Variants in CASD1 observed in about 807,000 individuals in gnomAD.
The protein encoded by CASD1 is N-acetylneuraminate (7)9-O-acetyltransferase.
A neutral mutation model predicts 100.0 loss-of-function variants in CASD1; 41 were observed. That is an observed-to-expected ratio of 0.41 (90% CI 0.32 to 0.53). The LOEUF (loss-of-function observed/expected upper bound fraction) is 0.53. Among genes scored for constraint, CASD1 ranks in the 20% least tolerant of loss-of-function variants. The probability of loss-of-function intolerance (pLI) is 0.25; values close to 1 mark genes in which losing one functional copy is unlikely to be tolerated. For synonymous variants in CASD1, 321 were observed against 315.6 expected, an observed-to-expected ratio of 1.02 and a Z score of -0.18; for missense variants, 774 against 948.7, an observed-to-expected ratio of 0.82 and a Z score of 2.42.
chr7:94,519,554 T>C (rs1426517755), intron 3 of CASD1, among the ~76,000 whole-genome samples: 1 of 152,242 alleles, frequency 6.6e-6, no homozygotes, highest in African/African-American at 2.4e-5. Flanking sequence ...TTATTTGCTA[T>C]CTGTATTTTC....
chr7:94,558,295 A>G (rs372648280), downstream of CASD1, among the ~76,000 whole-genome samples: 72 of 152,328 alleles, frequency 4.7e-4, 3 homozygotes, highest in South Asian at 8.9e-3. Flanking sequence ...GGATATAGTC[A>G]TTGATATCAT....
chr7:94,511,260 G>A (rs1429088473), intron 1 of CASD1, among the ~76,000 whole-genome samples: 1 of 152,150 alleles, frequency 6.6e-6, no homozygotes, highest in African/African-American at 2.4e-5. Context: ...GTAATGGACA[G>A]GTGCAAATTA....
chr7:94,543,555 T>TA (rs1795524482), intron 10 of CASD1, among the ~76,000 whole-genome samples: 1 of 151,726 alleles, frequency 6.6e-6, no homozygotes, highest in East Asian at 1.9e-4. Flanking sequence ...CTTGGGAGGC[T>TA]AAGGCAGGAG....
chr7:94,581,736 T>A, the CASD1 span, among the ~76,000 whole-genome samples: 1 of 152,248 alleles, frequency 6.6e-6, no homozygotes, highest in African/African-American at 2.4e-5. Flanking sequence ...TAGTAGTCCA[T>A]GGTGTATATG....
At chr7:94,628,138 A>G in the CASD1 span, 1 of 587,676 alleles carries the variant, frequency 1.7e-6, no homozygotes, top group African/African-American at 4.2e-5. Context: ...AAATTACAAT[A>G]CACACACACA....
At chr7:94,574,362 C>T in the CASD1 span, among the ~76,000 whole-genome samples, 3 of 151,844 alleles carry the variant, frequency 2.0e-5, no homozygotes, top group African/African-American at 4.8e-5. Flanking sequence ...AGGTCCAGGG[C>T]TTTTTTTGGT....
chr7:94,528,148 T>G, intron 4 of CASD1, 40 bp from the exon 5 acceptor site: 8 of 1,358,012 alleles, frequency 5.9e-6, no homozygotes, highest in Non-Finnish European at 8.3e-6. Flanking sequence ...AATTAAGAGT[T>G]TCTTCAACTT....
At chr7:94,572,967 C>T in the CASD1 span, among the ~76,000 whole-genome samples, 1 of 152,302 alleles carries the variant, frequency 6.6e-6, no homozygotes, top group Admixed American at 6.5e-5. Context: ...GTTATCCTAG[C>T]ACCATTTATT....
chr7:94,528,461 A>C (rs1794687645), intron 5 of CASD1, among the ~76,000 whole-genome samples: 1 of 152,074 alleles, frequency 6.6e-6, no homozygotes. Context: ...CACCATTCTA[A>C]CCATAAAGCA....
At position 94,555,975 on chromosome 7, in the gene CASD1, A is replaced by G; in HGVS notation, c.*217A>G. On this transcript the variant is annotated 3_prime_UTR_variant, in exon 18 of 18. Transcript: ENST00000297273. Reference sequence around the variant, plus strand: ...AAAACAAACAAACAAACAAAAAACCAGAATGCATTGTATAGGATTGCATGT... The same window carrying G: ...AAAACAAACAAACAAACAAAAAACCGGAATGCATTGTATAGGATTGCATGT... 2.0e-6 allele frequency: 1 copy of G among 506,380 alleles called. No individual in the cohort carries two copies. The highest frequency in any genetic ancestry group is 3.5e-6 in the Non-Finnish European group (1 of 289,630). 31.4% of individuals were successfully genotyped at this position (506,380 alleles called of 1,614,324 possible).
At chr7:94,578,603 C>G in the CASD1 span, among the ~76,000 whole-genome samples, 5 of 152,298 alleles carry the variant, frequency 3.3e-5, no homozygotes, top group Middle Eastern at 3.4e-3. Flanking sequence ...CTCACAGGTC[C>G]TACTGAGTCA....
At chr7:94,532,701 T>G (rs1322732872) in intron 5 of CASD1, among the ~76,000 whole-genome samples, 1 of 152,224 alleles carries the variant, frequency 6.6e-6, no homozygotes, top group Non-Finnish European at 1.5e-5. Flanking sequence ...GGATCTCTAC[T>G]TATATTTTTC....
intron 13 of CASD1, among the ~76,000 whole-genome samples, chr7:94,547,399 A>T (rs1795731039): frequency 2.0e-5 from 3 of 151,894 alleles, no homozygotes; most frequent in African/African-American, 7.2e-5. Context: ...TTCCTCTGGC[A>T]GTTGTTCAAG....
rs1473195847 is a variant in CASD1, at chr7:94,535,369, A to T, written c.689A>T (p.Asp230Val). 7 of 1,613,564 alleles carry T rather than the reference A, an allele frequency of 4.3e-6. No homozygotes were observed. Among genetic ancestry groups the T allele is most frequent in the East Asian group, 2.2e-5 (1 of 44,754 alleles). The change falls in exon 8 of 18, where the codon GAT (aspartate) becomes GTT (valine). Residue 230 changes from aspartate (D) to valine (V), a missense_variant. Asp to Val is a radical substitution (Grantham distance 152, BLOSUM62 -3). This residue lies in a region of CASD1 where 453 missense variants were observed against 532.6 expected (regional missense o/e 0.85). Coordinates refer to ENST00000297273, the MANE Select transcript of CASD1 (RefSeq NM_022900.5). ...NRKMITNEKI[D>V]AYNEAAVSIL... ...AAGATGATCACTAATGAGAAGATAG[A>T]TGCTTACAATGAAGCTGCAGTCAGT... is the stretch of plus-strand genomic sequence containing the variant.
chr7:94,523,592 T>C (rs1794399060), intron 3 of CASD1, among the ~76,000 whole-genome samples: 1 of 152,216 alleles, frequency 6.6e-6, no homozygotes, highest in Admixed American at 6.5e-5. Context: ...TACTGTTTCC[T>C]TGGATGGGAA....
At chr7:94,526,243 T>A (rs1159995122) in intron 3 of CASD1, among the ~76,000 whole-genome samples, 1 of 152,232 alleles carries the variant, frequency 6.6e-6, no homozygotes, top group Non-Finnish European at 1.5e-5. Flanking sequence ...CAACAGGCTT[T>A]GCTCCACACA....
the CASD1 span, among the ~76,000 whole-genome samples, chr7:94,573,802 G>GT: frequency 6.6e-6 from 1 of 152,112 alleles, no homozygotes; most frequent in Non-Finnish European, 1.5e-5. Flanking sequence ...TTCTTGTCTT[G>GT]TACTGATTTT....
At chr7:94,589,682 G>GT in the CASD1 span, 1 of 156,854 alleles carries the variant, frequency 6.4e-6, no homozygotes, top group East Asian at 1.9e-4. Context: ...TGTGAACTGC[G>GT]TATGCGAGGG....
the CASD1 span, chr7:94,616,954 CAA>C: frequency 2.0e-5 from 3 of 152,126 alleles, no homozygotes; most frequent in African/African-American, 7.2e-5. Flanking sequence ...GGATCTGAGA[CAA>C]GAGTCCAAAT....
Sources: allele counts gnomAD v4.1 joint callset (sites outside exome capture counted in the v4.1 genomes callset), GRCh38; gene constraint gnomAD v4.1.1; regional missense constraint gnomAD v4.1.1; transcripts MANE v1.5; gene names NCBI Gene and HGNC (gene_info 2026-07-23, HGNC 2026-07-21).